The following BEST4 variants were observed in gnomAD, a reference collection of about 807,000 sequenced individuals.
BEST4 encodes the protein bestrophin-4.
BEST4 carries 36 observed loss-of-function variants against 47.1 expected under a neutral mutation model. The observed-to-expected ratio is 0.76, with a 90% CI of 0.59 to 1.01. BEST4 has a LOEUF of 1.01. BEST4 is among the 50% of genes least tolerant of loss of function. The pLI is 0.00. For synonymous variants in BEST4, 250 were observed against 277.8 expected (o/e 0.90, Z 1.00); for missense variants, 550 against 648.6 (o/e 0.85, Z 1.65).
chr1:44,781,864 A>G (rs565641042), downstream of BEST4, among the ~76,000 whole-genome samples: 92 of 152,258 alleles, frequency 6.0e-4, no homozygotes, highest in Middle Eastern at 3.4e-3. Context: ...TTGAGACTTT[A>G]TTAAATTTGA....
At chr1:44,785,562 A>G (rs1265510166) in intron 5 of BEST4, 37 bp downstream of exon 5, 2 of 1,505,350 alleles carry the variant, frequency 1.3e-6, no homozygotes, top group Non-Finnish European at 1.8e-6. Flanking sequence ...CAGGACATAC[A>G]GTAGGCACTG....
In BEST4 at chr1:44,787,649, G is replaced by C; in HGVS notation, c.57C>G (p.Gly19=). The C allele has an allele frequency of 4.3e-6, 7 of 1,614,210 alleles. No homozygotes were observed. The highest frequency in any genetic ancestry group is 5.9e-6 in the Non-Finnish European group (7 of 1,180,026). Residue 19 remains glycine (G), a synonymous_variant, in exon 1 of 9, where the codon GGC becomes GGG. Coordinates refer to ENST00000372207, the MANE Select transcript of BEST4 (RefSeq NM_153274.3). The part of the protein sequence containing the change: ...VAEARFGGFS[G]LLLRWRGSIY... ...TGCTTCCCCTCCAGCGGAGAAGCAG[G>C]CCAGAGAAACCTCCGAAGCGGGCCT...
chr1:44,785,970 G>A, intron 4 of BEST4, 104 bp downstream of exon 4: 2 of 1,417,202 alleles, frequency 1.4e-6, no homozygotes, highest in Non-Finnish European at 1.9e-6. Flanking sequence ...CCAAAAGGCT[G>A]GGGTACACAG....
At chr1:44,785,348 C>T (rs1458798871) in intron 5 of BEST4, 43 bp from the exon 6 acceptor site, 5 of 1,521,542 alleles carry the variant, frequency 3.3e-6, no homozygotes, top group Non-Finnish European at 4.4e-6. Flanking sequence ...TGCAGCGGGC[C>T]AAGGAGAAAT....
At chr1:44,783,296 C>G (rs1311455924), downstream of BEST4, among the ~76,000 whole-genome samples, 4 of 152,200 alleles carry the variant, frequency 2.6e-5, no homozygotes, top group African/African-American at 9.7e-5. Flanking sequence ...GCCCCCAGCG[C>G]TGCAGGCCCA....
At position 44,787,307 on chromosome 1, in the gene BEST4, A is replaced by G. The variant is rs1438998166; in HGVS notation, c.247+65T>C. The G allele has an allele frequency of 2.4e-5, 37 of 1,538,134 alleles. No individual in the cohort carries two copies. In the East Asian group the frequency reaches 8.1e-4, roughly 34 times the overall value. ...GGTAATTCTGACCCTCGGAGCTGTC[A>G]ACCCAACCCAGAGGTCAGGGAACAC... is the stretch of plus-strand genomic sequence containing the variant. On this transcript the variant is annotated intron_variant, in intron 2 of 8. Transcript: ENST00000372207.
At chr1:44,791,459 C>A (rs369441871), upstream of BEST4, among the ~76,000 whole-genome samples, 1 of 152,032 alleles carries the variant, frequency 6.6e-6, no homozygotes, top group Admixed American at 6.6e-5. Flanking sequence ...GACAGCTCTA[C>A]CCCAGGAAGA....
rs922091204 is a variant in BEST4, at chr1:44,786,376, G to A, written c.481+87C>T. On this transcript the variant is annotated intron_variant, in intron 3 of 8. Coordinates refer to ENST00000372207, the MANE Select transcript of BEST4 (RefSeq NM_153274.3). This position sits in a 1 kb window ranked among gnomAD's most constrained non-coding sequence, Gnocchi z 4.9. ...CCTGTCGCAGTCCAGACCCTTCCCT[G>A]GAGGCCCCTGCTCCCAGGACTCTCC... 4 of 1,427,002 alleles carry A rather than the reference G, an allele frequency of 2.8e-6. No homozygotes were observed. Among genetic ancestry groups the A allele is most frequent in the Non-Finnish European group, 3.7e-6 (4 of 1,071,598 alleles). 88.4% of individuals were successfully genotyped at this position (1,427,002 alleles called of 1,614,324 possible).
upstream of BEST4, among the ~76,000 whole-genome samples, chr1:44,790,099 G>A (rs187010653): frequency 6.6e-6 from 1 of 152,276 alleles, no homozygotes; most frequent in East Asian, 1.9e-4. Context: ...ATGGCCTAAA[G>A]CACTGTGGGT....
chr1:44,785,005 G>A lies in BEST4; in HGVS notation c.913-20C>T. 1 of 1,613,308 alleles carries A rather than the reference G, an allele frequency of 6.2e-7. No individual in the cohort carries two copies. Among genetic ancestry groups the A allele is most frequent in the East Asian group, 2.2e-5 (1 of 44,884 alleles). ...AGCCACCTATAGGTGGCAGAGACAG[G>A]GTTTTCTGGGTTCAGAGCCCCACTC... On this transcript the variant is annotated intron_variant, in intron 6 of 8. Coordinates refer to ENST00000372207, the MANE Select transcript of BEST4 (RefSeq NM_153274.3).
Position 44,786,304 on chromosome 1 carries a change from C to A in BEST4, c.482-76G>T. 6.6e-7 allele frequency: 1 copy of A among 1,510,196 alleles called. No individual in the cohort carries two copies. The highest frequency in any genetic ancestry group is 8.9e-7 in the Non-Finnish European group (1 of 1,124,236). 93.5% of individuals were successfully genotyped at this position (1,510,196 alleles called of 1,614,324 possible). Reference sequence around the variant, plus strand: ...AGGCTGCTGTTCCGCCGTCTGGCTCCCCTCCCTCGCGTCCACCGGCTGTCC... The same window carrying A: ...AGGCTGCTGTTCCGCCGTCTGGCTCACCTCCCTCGCGTCCACCGGCTGTCC... On this transcript the variant is annotated intron_variant, in intron 3 of 8. Coordinates refer to ENST00000372207, the MANE Select transcript of BEST4 (RefSeq NM_153274.3). This position sits in a 1 kb window ranked among gnomAD's most constrained non-coding sequence, Gnocchi z 4.9.
chr1:44,788,867 C>A (rs1651331945), upstream of BEST4, among the ~76,000 whole-genome samples: 1 of 152,202 alleles, frequency 6.6e-6, no homozygotes, highest in African/African-American at 2.4e-5. Flanking sequence ...CCGTTAAGCC[C>A]TGTGTCCAAC....
Position 44,784,005 on chromosome 1 carries a change from C to G in BEST4, c.*205G>C. The G allele has an allele frequency of 2.1e-6, 1 of 481,142 alleles. No homozygotes were observed. Among genetic ancestry groups the G allele is most frequent in the Non-Finnish European group, 3.4e-6 (1 of 290,266 alleles). 29.8% of individuals were successfully genotyped at this position (481,142 alleles called of 1,614,324 possible). On this transcript the variant is annotated 3_prime_UTR_variant, in exon 9 of 9. Coordinates refer to ENST00000372207, the MANE Select transcript of BEST4 (RefSeq NM_153274.3). This position sits in a 1 kb window ranked among gnomAD's most constrained non-coding sequence, Gnocchi z 6.2. ...TCTAGCTTCACGTCCCCCAAGCAACCGACCTTCTCTCCCACCAAAGTGGAC... is the reference window on the plus strand; with the variant it reads ...TCTAGCTTCACGTCCCCCAAGCAACGGACCTTCTCTCCCACCAAAGTGGAC...
chr1:44,788,742 G>A (rs1347452738), upstream of BEST4, among the ~76,000 whole-genome samples: 1 of 152,204 alleles, frequency 6.6e-6, no homozygotes, highest in East Asian at 1.9e-4. Context: ...CTGTGCACTG[G>A]CCACACTCCC....
Position 44,786,113 on chromosome 1 carries a change from C to T in BEST4, c.597G>A (p.Gly199=). Residue 199 remains glycine, a synonymous_variant, in exon 4 of 9, where the codon GGG becomes GGA. Coordinates refer to ENST00000372207, the MANE Select transcript of BEST4 (RefSeq NM_153274.3). This position sits in a 1 kb window ranked among gnomAD's most constrained non-coding sequence, Gnocchi z 4.9. The part of the protein sequence containing the change: ...TNLAAQARRD[G]RIRDDIALCL... ...AGAGAGCGATATCGTCACGTATTCG[C>T]CCGTCCCTCCGGGCCTGGGCCGCCA... 6.2e-7 allele frequency: 1 copy of T among 1,613,418 alleles called. No homozygotes were observed. Among genetic ancestry groups the T allele is most frequent in the Non-Finnish European group, 8.5e-7 (1 of 1,179,760 alleles).
At chr1:44,788,760 T>G (rs1028261289), upstream of BEST4, among the ~76,000 whole-genome samples, 3 of 152,226 alleles carry the variant, frequency 2.0e-5, no homozygotes, top group Admixed American at 1.3e-4. Flanking sequence ...CCCAGTCTTC[T>G]TGTACAGGGG....
downstream of BEST4, among the ~76,000 whole-genome samples, chr1:44,782,629 CAAATAAAT>C (rs150975645): frequency 0.18 from 26,940 of 146,580 alleles, 2,694 homozygotes; most frequent in East Asian, 0.29. Flanking sequence ...GATTCCGTCT[CAAATAAAT>C]AAATAAATAA....
Position 44,784,779 on chromosome 1 carries a change from G to A in BEST4, c.998C>T (p.Ser333Phe). 1 of 1,593,054 alleles carries A rather than the reference G, an allele frequency of 6.3e-7. No homozygotes were observed. Among genetic ancestry groups the A allele is most frequent in the Non-Finnish European group, 8.6e-7 (1 of 1,168,510 alleles). The change falls in exon 8 of 9, where the codon TCC (serine) becomes TTC (phenylalanine). Residue 333 changes from serine to phenylalanine, a missense_variant. Ser to Phe is a radical substitution (Grantham distance 155, BLOSUM62 -2). Transcript: ENST00000372207. This position sits in a 1 kb window ranked among gnomAD's most constrained non-coding sequence, Gnocchi z 6.2. ...NQLIDRNLQV[S>F]LLSVDEMYQN... ...GTACATTTCGTCCACGGATAGCAGG[G>A]ACACCTGGGCCACCAGCAAGTTACA...
upstream of BEST4, among the ~76,000 whole-genome samples, chr1:44,789,242 CAAAAAA>C (rs778437528): frequency 1.6e-5 from 1 of 61,520 alleles, no homozygotes; most frequent in Admixed American, 1.8e-4. Flanking sequence ...CCTGGGTAAT[CAAAAAA>C]AAAAAAAAAA....
Sources: gnomAD v4.1 joint callset for allele counts (sites outside exome capture counted in the v4.1 genomes callset) on GRCh38, gnomAD v4.1.1 for gene constraint, Gnocchi (gnomAD v3.1) non-coding constraint, MANE v1.5 for transcripts, NCBI Gene and HGNC (gene_info 2026-07-23, HGNC 2026-07-21) for gene names.